BLM: variants seen among roughly 807,000 people sequenced by gnomAD.
BLM encodes recQ-like DNA helicase BLM.
A neutral mutation model predicts 135.3 loss-of-function variants in BLM; 95 were observed. The observed-to-expected ratio is 0.70, with a 90% CI of 0.59 to 0.83. The LOEUF (loss-of-function observed/expected upper bound fraction) is 0.83. BLM is among the 40% of genes least tolerant of loss of function. The pLI is 0.00. For synonymous variants in BLM, 520 were observed against 589.2 expected, an observed-to-expected ratio of 0.88 and a Z score of 1.70; for missense variants, 1,518 against 1,663.9, an observed-to-expected ratio of 0.91 and a Z score of 1.53.
chr15:90,726,753 A>G (rs1332431125), intron 1 of BLM, among the ~76,000 whole-genome samples: 1 of 152,214 alleles, frequency 6.6e-6, no homozygotes, highest in Non-Finnish European at 1.5e-5. Flanking sequence ...TGCTGTGAAT[A>G]ACAGGATTTT....
At chr15:90,732,512 T>C (rs1278635133) in intron 1 of BLM, among the ~76,000 whole-genome samples, 2 of 150,028 alleles carry the variant, frequency 1.3e-5, no homozygotes, top group African/African-American at 4.9e-5. Context: ...AAAACAACTA[T>C]TGGATGTAAG....
Position 90,765,326 on chromosome 15 carries a change from C to T in BLM, c.2105C>T (p.Pro702Leu), listed in dbSNP as rs770625327. The change falls in exon 9 of 22, where the codon CCT (proline) becomes CTT (leucine). Residue 702 changes from proline to leucine, a missense_variant. Transcript: ENST00000355112. ...GGTAAGAGTTTGTGTTACCAGCTCC[C>T]TGCCTGTGTTTCTCCTGGGGTCACT... ...GGGKSLCYQL[P>L]ACVSPGVTVV... The T allele has an allele frequency of 6.2e-7, 1 of 1,613,612 alleles. No homozygotes were observed. Among genetic ancestry groups the T allele is most frequent in the East Asian group, 2.2e-5 (1 of 44,864 alleles).
intron 1 of BLM, among the ~76,000 whole-genome samples, chr15:90,739,438 T>C (rs2151139033): frequency 6.6e-6 from 1 of 152,190 alleles, no homozygotes; most frequent in South Asian, 2.1e-4. Flanking sequence ...GAGCCTGGCA[T>C]GGTGACTCAT....
chr15:90,810,314 T>G (rs1897382476), intron 20 of BLM, among the ~76,000 whole-genome samples: 1 of 152,220 alleles, frequency 6.6e-6, no homozygotes, highest in African/African-American at 2.4e-5. Context: ...CTCAGCCTCC[T>G]GAAGTGCTGG....
chr15:90,727,472 C>T (rs1894949574), intron 1 of BLM, among the ~76,000 whole-genome samples: 1 of 152,184 alleles, frequency 6.6e-6, no homozygotes, highest in South Asian at 2.1e-4. Context: ...TGGTCCCTGG[C>T]TGTGTCTGAG....
chr15:90,798,850 G>A (rs1367785586), intron 17 of BLM, among the ~76,000 whole-genome samples: 1 of 152,114 alleles, frequency 6.6e-6, no homozygotes, highest in Non-Finnish European at 1.5e-5. Flanking sequence ...AGGCATGGTG[G>A]CATGCACCTG....
At chr15:90,765,521 C>T (rs1896101395) in intron 9 of BLM, 107 bp downstream of exon 9, 2 of 931,280 alleles carry the variant, frequency 2.1e-6, no homozygotes, top group Non-Finnish European at 3.3e-6. Context: ...AAATAAAGCA[C>T]AGCAGTTAAA....
intron 19 of BLM, among the ~76,000 whole-genome samples, chr15:90,804,749 A>G (rs1897250253): frequency 6.6e-6 from 1 of 152,184 alleles, no homozygotes; most frequent in African/African-American, 2.4e-5. Flanking sequence ...ACAGATAAGC[A>G]TGAGCCACTG....
At position 90,762,956 on chromosome 15, in the gene BLM, A is replaced by G; in HGVS notation, c.1883-10A>G. On this transcript the variant is annotated splice_polypyrimidine_tract_variant and intron_variant, in intron 7 of 21. Coordinates refer to ENST00000355112, the MANE Select transcript of BLM (RefSeq NM_000057.4). ...GTACTGATTTTTCTTAACGTTGATT[A>G]TTTTCCTAGACAAGTCAGCACAAAA... The G allele has an allele frequency of 1.2e-6, 2 of 1,611,646 alleles. No homozygotes were observed. Among genetic ancestry groups the G allele is most frequent in the Non-Finnish European group, 1.7e-6 (2 of 1,178,608 alleles).
intron 14 of BLM, 31 bp from the exon 15 acceptor site, chr15:90,790,618 T>C (rs1421033293): frequency 1.3e-6 from 2 of 1,597,866 alleles, no homozygotes; most frequent in Admixed American, 3.3e-5. Context: ...CTGTGCCTTA[T>C]GAATCTAATA....
At chr15:90,740,158 A>G (rs764295999) in intron 1 of BLM, among the ~76,000 whole-genome samples, 13 of 152,174 alleles carry the variant, frequency 8.5e-5, no homozygotes, top group Non-Finnish European at 1.8e-4. Context: ...CAGTTATGCA[A>G]CCATCACCGC....
At chr15:90,732,073 G>A (rs1320971110) in intron 1 of BLM, among the ~76,000 whole-genome samples, 2 of 152,032 alleles carry the variant, frequency 1.3e-5, no homozygotes, top group Middle Eastern at 3.4e-3. Context: ...AATAATTAGG[G>A]TCATCCATTT....
At chr15:90,781,555 G>A (rs1208685448) in intron 12 of BLM, among the ~76,000 whole-genome samples, 1 of 152,186 alleles carries the variant, frequency 6.6e-6, no homozygotes, top group Non-Finnish European at 1.5e-5. Flanking sequence ...GAACCCAGGA[G>A]GTAGAGGTTG....
At chr15:90,803,276 A>G (rs1363118429) in intron 17 of BLM, among the ~76,000 whole-genome samples, 3 of 152,142 alleles carry the variant, frequency 2.0e-5, no homozygotes, top group Non-Finnish European at 4.4e-5. Flanking sequence ...ATTTGCTCCA[A>G]TATAATTTTG....
intron 14 of BLM, among the ~76,000 whole-genome samples, chr15:90,789,838 G>T (rs529359187): frequency 3.3e-5 from 5 of 152,024 alleles, no homozygotes; most frequent in Non-Finnish European, 7.4e-5. Flanking sequence ...TTTGCCTGGA[G>T]ATATAACATT....
intron 15 of BLM, among the ~76,000 whole-genome samples, chr15:90,791,753 T>G (rs1244485414): frequency 6.6e-6 from 1 of 152,024 alleles, no homozygotes; most frequent in Non-Finnish European, 1.5e-5. Flanking sequence ...ATTTTCTCAC[T>G]TCAGCTTCCA....
intron 1 of BLM, among the ~76,000 whole-genome samples, chr15:90,725,988 CTT>C (rs150837196): frequency 0.03 from 4,586 of 152,054 alleles, 234 homozygotes; most frequent in African/African-American, 0.1. Flanking sequence ...TAGTCAATGA[CTT>C]TTTTTATTTT....
In BLM at chr15:90,790,734, T is replaced by C; in HGVS notation, c.2909T>C (p.Val970Ala). The change falls in exon 15 of 22, where the codon GTG (valine) becomes GCG (alanine). Residue 970 changes from valine (V) to alanine (A), a missense_variant. This residue lies in a region of BLM where 626 missense variants were observed against 681.1 expected (regional missense o/e 0.92). Transcript: ENST00000355112. ...ATTCATGCATCTCTCCCTAAATCTG[T>C]GGAGGGTTACTACCAAGAATCTGGC... ...FVIHASLPKS[V>A]EGYYQESGRA... 6.2e-7 allele frequency: 1 copy of C among 1,614,138 alleles called. No homozygotes were observed.
intron 14 of BLM, among the ~76,000 whole-genome samples, chr15:90,787,958 AAAAAG>A (rs1896796929): frequency 6.6e-6 from 1 of 152,246 alleles, no homozygotes; most frequent in South Asian, 2.1e-4. Context: ...TCAAAAAAAA[AAAAAG>A]AAAGAAAAAT....
Sources: allele counts gnomAD v4.1 joint callset (sites outside exome capture counted in the v4.1 genomes callset), GRCh38; gene constraint gnomAD v4.1.1; regional missense constraint gnomAD v4.1.1; transcripts MANE v1.5; gene names NCBI Gene and HGNC (gene_info 2026-07-23, HGNC 2026-07-21).